The following ANKRD6 variants were observed in gnomAD, a reference collection of about 807,000 sequenced individuals.
The protein encoded by ANKRD6 is ankyrin repeat domain-containing protein 6.
In ANKRD6, 56 loss-of-function variants were observed where a neutral mutation model predicts 82.3. The ratio of observed to expected loss-of-function variants is 0.68; its 90% CI spans 0.55 to 0.85. The LOEUF is 0.85. Among genes scored for constraint, ANKRD6 ranks in the 40% least tolerant of loss-of-function variants. ANKRD6 has a pLI of 0.00. For missense variants in ANKRD6, 852 were observed against 907.6 expected (o/e 0.94, Z 0.79); for synonymous variants, 347 against 352.1 (o/e 0.99, Z 0.16).
At chr6:89,547,818 T>A (rs776513182) in intron 1 of ANKRD6, among the ~76,000 whole-genome samples, 6 of 152,222 alleles carry the variant, frequency 3.9e-5, no homozygotes, top group Non-Finnish European at 8.8e-5. Context: ...CTTCAATTGT[T>A]AATGGGCATT....
In ANKRD6 at chr6:89,475,182, A is replaced by G. The variant is rs186307078; in HGVS notation, c.-144+41807A>G. On this transcript the variant is annotated intron_variant, in intron 1 of 15. Transcript: ENST00000339746. ...CAGAAAGCAGCACCCAAAACGCTCT[A>G]TGTAAAACATGAATAGATGCATGAA... Among the ~76,000 whole-genome samples the G allele has an allele frequency of 2.3e-3, 357 of 152,352 alleles. 1 individual carries two copies. Among genetic ancestry groups the G allele is most frequent in the African/African-American group, 8.3e-3 (345 of 41,584 alleles).
chr6:89,446,370 A>T (rs115337347), intron 1 of ANKRD6, among the ~76,000 whole-genome samples: 2,345 of 152,212 alleles, frequency 0.015, 55 homozygotes, highest in African/African-American at 0.053. Flanking sequence ...ATAAATAAAT[A>T]AATTAAATAA....
chr6:89,615,361 A>G (rs1801294651), intron 7 of ANKRD6, among the ~76,000 whole-genome samples: 1 of 152,172 alleles, frequency 6.6e-6, no homozygotes, highest in Non-Finnish European at 1.5e-5. Flanking sequence ...GTATACAGCC[A>G]CTGACCTAAT....
chr6:89,603,091 C>T lies in ANKRD6; in HGVS notation c.282C>T (p.Leu94=). The T allele has an allele frequency of 6.2e-7, 1 of 1,607,910 alleles. No individual in the cohort carries two copies. The highest frequency in any genetic ancestry group is 8.5e-7 in the Non-Finnish European group (1 of 1,177,552). The stretch of plus-strand genomic sequence containing the variant: ...GGAACACGGAGATCATCGCGGCGCT[C>T]ATCCACGAAGGGTGTGCCCTGGACA... The part of the protein sequence containing the change: ...VVGNTEIIAA[L]IHEGCALDRQ... The change falls in exon 4 of 16, where the codon CTC becomes CTT. Residue 94 remains leucine, a synonymous_variant. Coordinates refer to ENST00000339746, the MANE Select transcript of ANKRD6 (RefSeq NM_001242809.2).
At position 89,433,200 on chromosome 6, in the gene ANKRD6, G is replaced by C. The variant is rs1336492252; in HGVS notation, c.-319G>C. The stretch of plus-strand genomic sequence containing the variant: ...CGGCGGGCTCGGCCACAGGTAACCC[G>C]CAGGAGCCGAGAGCGCTGCCTGGCG... On this transcript the variant is annotated 5_prime_UTR_variant, in exon 1 of 16. Transcript: ENST00000339746. This position sits in a 1 kb window ranked among gnomAD's most constrained non-coding sequence, Gnocchi z 4.3. 6 of 151,584 alleles carry C rather than the reference G, an allele frequency of 4.0e-5. No homozygotes were observed. Among genetic ancestry groups the C allele is most frequent in the Non-Finnish European group, 5.9e-5 (4 of 67,924 alleles). The allele number at this position is 151,584 out of a possible 1,614,324, so 9.4% of individuals were successfully genotyped here. A position where few individuals can be genotyped will look rare whatever the true frequency, so the allele number is the denominator to read the frequency against.
Position 89,623,910 on chromosome 6 carries a change from A to T in ANKRD6, c.1071A>T (p.Gln357His). 1 of 1,613,796 alleles carries T rather than the reference A, an allele frequency of 6.2e-7. No individual in the cohort carries two copies. The highest frequency in any genetic ancestry group is 2.2e-5 in the East Asian group (1 of 44,858). Residue 357 changes from glutamine to histidine, a missense_variant, in exon 12 of 16, where the codon CAA (glutamine) becomes CAT (histidine). Physicochemically the swap from Gln to His is conservative, Grantham distance 24 (BLOSUM62 0). Transcript: ENST00000339746. Reference sequence around the variant, plus strand: ...CTGACCCCACCCCACCAGCCGACCAACAGCCTGGACACCAGAAGAACCTGC... The same window carrying T: ...CTGACCCCACCCCACCAGCCGACCATCAGCCTGGACACCAGAAGAACCTGC... ...AFSDPTPPAD[Q>H]QPGHQKNLHA...
chr6:89,521,409 C>CAGGAATGTG (rs1781873090), intron 1 of ANKRD6, among the ~76,000 whole-genome samples: 4 of 152,162 alleles, frequency 2.6e-5, no homozygotes. Context: ...TGTCAGGACT[C>CAGGAATGTG]AGGAATGTGG....
At chr6:89,592,250 A>AGGGTGTC (rs1404212945) in intron 2 of ANKRD6, among the ~76,000 whole-genome samples, 1 of 152,186 alleles carries the variant, frequency 6.6e-6, no homozygotes, top group African/African-American at 2.4e-5. Flanking sequence ...GCAAAGGTGT[A>AGGGTGTC]GGGTGTCGAA....
chr6:89,510,084 A>T (rs1780350147), intron 1 of ANKRD6, among the ~76,000 whole-genome samples: 1 of 152,122 alleles, frequency 6.6e-6, no homozygotes, highest in Non-Finnish European at 1.5e-5. Context: ...TCACTCTGTC[A>T]CCAGTGTGTG....
At chr6:89,573,908 C>T (rs1790508916) in intron 2 of ANKRD6, among the ~76,000 whole-genome samples, 1 of 152,160 alleles carries the variant, frequency 6.6e-6, no homozygotes, top group African/African-American at 2.4e-5. Flanking sequence ...ATGAAGTCCA[C>T]CCAGTGAATG....
At chr6:89,600,682 T>A (rs1159132320) in intron 3 of ANKRD6, among the ~76,000 whole-genome samples, 1 of 152,118 alleles carries the variant, frequency 6.6e-6, no homozygotes, top group South Asian at 2.1e-4. Flanking sequence ...TTTGGGAAAT[T>A]CCGTCACCAT....
chr6:89,487,670 A>G (rs1258406046), intron 1 of ANKRD6, among the ~76,000 whole-genome samples: 1 of 152,250 alleles, frequency 6.6e-6, no homozygotes, highest in Admixed American at 6.5e-5. Context: ...GCATTTCGCC[A>G]TCAAATGAAA....
In ANKRD6 at chr6:89,631,795, C is replaced by G. The variant is rs1281271933; in HGVS notation, c.*791C>G. 4 of 152,058 alleles carry G rather than the reference C, an allele frequency of 2.6e-5. No homozygotes were observed. The highest frequency in any genetic ancestry group is 5.9e-5 in the Non-Finnish European group (4 of 68,024). The allele number at this position is 152,058 out of a possible 1,614,324, so 9.4% of individuals were successfully genotyped here. A position where few individuals can be genotyped will look rare whatever the true frequency, so the allele number is the denominator to read the frequency against. On this transcript the variant is annotated 3_prime_UTR_variant, in exon 16 of 16. Transcript: ENST00000339746. Reference sequence around the variant, plus strand: ...GTAACAATTACCTGAAAATTTATAACCTATTCCTAATCAAACCCAATTATA... The same window carrying G: ...GTAACAATTACCTGAAAATTTATAAGCTATTCCTAATCAAACCCAATTATA...
chr6:89,446,922 G>A (rs764250630), intron 1 of ANKRD6, among the ~76,000 whole-genome samples: 4 of 152,114 alleles, frequency 2.6e-5, no homozygotes, highest in Admixed American at 6.6e-5. Context: ...GAAGAAGGAG[G>A]TGTTTGCTTC....
At chr6:89,559,784 C>G (rs923669500) in intron 1 of ANKRD6, among the ~76,000 whole-genome samples, 5 of 152,066 alleles carry the variant, frequency 3.3e-5, no homozygotes, top group Non-Finnish European at 7.4e-5. Context: ...AACTGTAGTC[C>G]TCTATTTTGA....
At chr6:89,553,338 G>A (rs1786109760) in intron 1 of ANKRD6, among the ~76,000 whole-genome samples, 1 of 152,198 alleles carries the variant, frequency 6.6e-6, no homozygotes, top group Non-Finnish European at 1.5e-5. Flanking sequence ...GCGTGTGCCT[G>A]AGGATGGCGG....
chr6:89,528,904 G>T (rs936429555), intron 1 of ANKRD6, among the ~76,000 whole-genome samples: 1 of 152,178 alleles, frequency 6.6e-6, no homozygotes, highest in African/African-American at 2.4e-5. Context: ...TGAGCAGTAG[G>T]TCTCAATAAG....
intron 2 of ANKRD6, among the ~76,000 whole-genome samples, chr6:89,576,501 C>T (rs905573819): frequency 6.6e-6 from 1 of 152,182 alleles, no homozygotes; most frequent in Non-Finnish European, 1.5e-5. Flanking sequence ...AACTCAGGCT[C>T]ATGACCCTTC....
intron 2 of ANKRD6, among the ~76,000 whole-genome samples, chr6:89,586,038 G>A (rs757329049): frequency 6.6e-6 from 1 of 152,142 alleles, no homozygotes; most frequent in Non-Finnish European, 1.5e-5. Flanking sequence ...CATGTAGTCA[G>A]CACAACCTTA....
Sources: allele counts gnomAD v4.1 joint callset (sites outside exome capture counted in the v4.1 genomes callset), GRCh38; gene constraint gnomAD v4.1.1; non-coding constraint Gnocchi (gnomAD v3.1); transcripts MANE v1.5; gene names NCBI Gene and HGNC (gene_info 2026-07-23, HGNC 2026-07-21).